Variants in STK33 observed in about 807,000 individuals in gnomAD.
The protein encoded by STK33 is serine/threonine kinase 33.
Under a neutral mutation model 58.0 loss-of-function variants are expected in STK33, and 52 were observed. That is an observed-to-expected ratio of 0.90 (90% CI 0.72 to 1.13). The LOEUF is 1.13. Among genes scored for constraint, STK33 ranks in the 50% most tolerant of loss-of-function variants. STK33 has a pLI of 0.00. For synonymous variants in STK33, 215 were observed against 200.1 expected (o/e 1.07, Z -0.63); for missense variants, 630 against 604.2 (o/e 1.04, Z -0.45).
the STK33 span, among the ~76,000 whole-genome samples, chr11:8,383,495 G>C: frequency 2.0e-4 from 30 of 152,316 alleles, no homozygotes; most frequent in Middle Eastern, 3.4e-3. Context: ...CACTGAGGAA[G>C]AGTTGGGCTG....
At chr11:8,407,295 G>T (rs917190388) in intron 15 of STK33, among the ~76,000 whole-genome samples, 1 of 151,916 alleles carries the variant, frequency 6.6e-6, no homozygotes, top group Non-Finnish European at 1.5e-5. Context: ...AGAGATATTG[G>T]CTAATAATTT....
At chr11:8,522,286 T>C (rs1206319617) in intron 1 of STK33, among the ~76,000 whole-genome samples, 1 of 152,218 alleles carries the variant, frequency 6.6e-6, no homozygotes, top group East Asian at 1.9e-4. Context: ...CATGGAATAC[T>C]ATGCAGCCAT....
At chr11:8,349,025 C>T in the STK33 span, among the ~76,000 whole-genome samples, 2 of 152,218 alleles carry the variant, frequency 1.3e-5, no homozygotes, top group South Asian at 2.1e-4. Context: ...AGGCTGGCTC[C>T]GTGCCCAGCT....
At chr11:8,403,352 A>G (rs924643875) in intron 15 of STK33, among the ~76,000 whole-genome samples, 1 of 152,258 alleles carries the variant, frequency 6.6e-6, no homozygotes, top group Non-Finnish European at 1.5e-5. Context: ...TAAAGGGACC[A>G]GAGAATGTTT....
intron 1 of STK33, among the ~76,000 whole-genome samples, chr11:8,522,916 C>G (rs957136984): frequency 3.3e-5 from 5 of 152,292 alleles, no homozygotes; most frequent in South Asian, 2.1e-4. Flanking sequence ...CTCAGCCTGC[C>G]GAGTGCCTGG....
chr11:8,566,012 C>T (rs1957423048), intron 1 of STK33: 1 of 152,074 alleles, frequency 6.6e-6, no homozygotes, highest in Non-Finnish European at 1.5e-5. Flanking sequence ...TTGAAGGCTG[C>T]CTAAAAGGCT....
intron 1 of STK33, among the ~76,000 whole-genome samples, chr11:8,591,235 A>AC (rs1449788811): frequency 3.3e-5 from 5 of 152,172 alleles, no homozygotes; most frequent in Non-Finnish European, 7.4e-5. Context: ...AGACACGAGT[A>AC]CCCACCTTTG....
chr11:8,442,020 TACCTAC>T (rs1164795950), intron 11 of STK33, among the ~76,000 whole-genome samples: 2 of 120,754 alleles, frequency 1.7e-5, no homozygotes, highest in African/African-American at 6.6e-5. Flanking sequence ...CACCTACACA[TACCTAC>T]ACCTACACAC....
chr11:8,362,025 C>T, the STK33 span, among the ~76,000 whole-genome samples: 1 of 152,308 alleles, frequency 6.6e-6, no homozygotes, highest in Non-Finnish European at 1.5e-5. Flanking sequence ...CAGTTTGGAA[C>T]AAGTCTGTGC....
chr11:8,554,581 T>C (rs1956597595), intron 1 of STK33, among the ~76,000 whole-genome samples: 1 of 152,168 alleles, frequency 6.6e-6, no homozygotes, highest in Admixed American at 6.6e-5. Context: ...CCTGTTAGAA[T>C]GGCTGTTATC....
intron 1 of STK33, among the ~76,000 whole-genome samples, chr11:8,551,615 C>T (rs1322686128): frequency 6.6e-6 from 1 of 152,132 alleles, no homozygotes; most frequent in Admixed American, 6.5e-5. Flanking sequence ...GGTGTTCTTT[C>T]GTGGTGTTAG....
chr11:8,435,227 A>G (rs1470604559), intron 14 of STK33, among the ~76,000 whole-genome samples: 1 of 152,176 alleles, frequency 6.6e-6, no homozygotes, highest in African/African-American at 2.4e-5. Context: ...GACATTTTTC[A>G]GCTCTGTTCT....
At chr11:8,402,488 A>T (rs975122570) in intron 15 of STK33, among the ~76,000 whole-genome samples, 1 of 152,202 alleles carries the variant, frequency 6.6e-6, no homozygotes, top group Non-Finnish European at 1.5e-5. Context: ...GCGAGGAGGG[A>T]TAGCATTAGG....
chr11:8,344,486 G>C, the STK33 span, among the ~76,000 whole-genome samples: 6 of 152,212 alleles, frequency 3.9e-5, no homozygotes, highest in African/African-American at 1.4e-4. Flanking sequence ...CCTTACAATT[G>C]TATGAGGTAG....
chr11:8,553,225 G>GGTGTATATATATATATATATATATA (rs1956481342), intron 1 of STK33, among the ~76,000 whole-genome samples: 1 of 67,538 alleles, frequency 1.5e-5, no homozygotes, highest in Non-Finnish European at 2.8e-5. Flanking sequence ...ATATATATAT[G>GGTGTATATATATATATATATATATA]GTGTGTATAT....
At chr11:8,515,426 C>G (rs1370984285) in intron 1 of STK33, among the ~76,000 whole-genome samples, 5 of 152,092 alleles carry the variant, frequency 3.3e-5, no homozygotes, top group African/African-American at 1.2e-4. Flanking sequence ...CAAAAACCTC[C>G]CAACAATGAA....
chr11:8,427,949 G>T (rs1272919000), intron 14 of STK33, among the ~76,000 whole-genome samples: 1 of 152,148 alleles, frequency 6.6e-6, no homozygotes, highest in African/African-American at 2.4e-5. Context: ...AGGAAGCATT[G>T]GCACCCCAGA....
At chr11:8,545,129 C>A (rs976660786) in intron 1 of STK33, among the ~76,000 whole-genome samples, 1 of 152,108 alleles carries the variant, frequency 6.6e-6, no homozygotes, top group Non-Finnish European at 1.5e-5. Context: ...CCAAATGAAC[C>A]AATGAATAAG....
At chr11:8,413,213 A>G (rs1485107016) in intron 15 of STK33, among the ~76,000 whole-genome samples, 2 of 152,208 alleles carry the variant, frequency 1.3e-5, no homozygotes, top group African/African-American at 4.8e-5. Flanking sequence ...TAGTTGTGAC[A>G]AAGACTACTA....
Sources: allele counts gnomAD v4.1 joint callset (sites outside exome capture counted in the v4.1 genomes callset), GRCh38; gene constraint gnomAD v4.1.1; transcripts MANE v1.5; gene names NCBI Gene and HGNC (gene_info 2026-07-23, HGNC 2026-07-21).